Variants in SUCLA2 observed in about 807,000 individuals in gnomAD.
The protein encoded by SUCLA2 is succinate--CoA ligase [ADP-forming] subunit beta, mitochondrial.
SUCLA2 carries 30 observed loss-of-function variants against 54.8 expected under a neutral mutation model. The observed-to-expected ratio is 0.55, with a 90% CI of 0.41 to 0.74. The LOEUF (loss-of-function observed/expected upper bound fraction) is 0.74. Ranked by LOEUF, SUCLA2 falls within the 30% of genes least tolerant of loss-of-function variation. SUCLA2 has a pLI of 0.00. For synonymous variants in SUCLA2, 172 were observed against 188.9 expected (o/e 0.91, Z 0.74); for missense variants, 476 against 562.9 (o/e 0.85, Z 1.56).
intron 2 of SUCLA2, 65 bp from the exon 3 acceptor site, chr13:47,989,046 T>A: frequency 6.9e-7 from 1 of 1,446,878 alleles, no homozygotes; most frequent in Non-Finnish European, 9.7e-7. Context: ...AGTATTTTGT[T>A]ATTTAACATA....
chr13:47,984,537 C>G (rs1950085884), intron 4 of SUCLA2, among the ~76,000 whole-genome samples: 1 of 152,050 alleles, frequency 6.6e-6, no homozygotes, highest in Non-Finnish European at 1.5e-5. Flanking sequence ...TTCTTCTTCT[C>G]TTGTTGGTAT....
At chr13:47,971,299 C>A (rs1014321265) in intron 5 of SUCLA2, among the ~76,000 whole-genome samples, 1 of 151,092 alleles carries the variant, frequency 6.6e-6, no homozygotes, top group Non-Finnish European at 1.5e-5. Context: ...TGCCTGTAAT[C>A]CTAGCTACTT....
At chr13:47,964,226 T>C (rs1057439785) in intron 6 of SUCLA2, among the ~76,000 whole-genome samples, 3 of 152,102 alleles carry the variant, frequency 2.0e-5, no homozygotes, top group Admixed American at 2.0e-4. Context: ...TATTATATGA[T>C]TGCATTTATA....
At chr13:47,945,588 G>A (rs1309036668) in intron 10 of SUCLA2, 1 of 150,656 alleles carries the variant, frequency 6.6e-6, no homozygotes, top group Non-Finnish European at 1.5e-5. Flanking sequence ...ACACATTATT[G>A]TTAAGTAAAA....
intron 6 of SUCLA2, among the ~76,000 whole-genome samples, chr13:47,959,443 G>T (rs1949848705): frequency 7.3e-6 from 1 of 137,062 alleles, no homozygotes; most frequent in Admixed American, 7.5e-5. Flanking sequence ...GAAGGAGGAG[G>T]AGGGGGAGGA....
chr13:47,980,371 T>C (rs558116198), intron 4 of SUCLA2, among the ~76,000 whole-genome samples: 98 of 151,722 alleles, frequency 6.5e-4, no homozygotes, highest in Non-Finnish European at 1.3e-3. Flanking sequence ...GCTGAGATCA[T>C]ACCACTGCAC....
chr13:47,963,931 G>A (rs1035720488), intron 6 of SUCLA2, among the ~76,000 whole-genome samples: 1 of 152,164 alleles, frequency 6.6e-6, no homozygotes, highest in Non-Finnish European at 1.5e-5. Flanking sequence ...ATATCTTGTT[G>A]CACAAAATGT....
At chr13:48,001,072 G>A (rs1950227286) in intron 1 of SUCLA2, 108 bp downstream of exon 1, 1 of 1,527,754 alleles carries the variant, frequency 6.5e-7, no homozygotes, top group Admixed American at 2.0e-5. Flanking sequence ...AGGGCACCCA[G>A]AAAATGTCAC....
chr13:47,998,839 C>T (rs893178167), intron 1 of SUCLA2, among the ~76,000 whole-genome samples: 4 of 152,164 alleles, frequency 2.6e-5, no homozygotes, highest in African/African-American at 9.7e-5. Context: ...TGAATACATA[C>T]ATAAAAATTA....
rs747493359 is a variant in SUCLA2, at chr13:47,947,326, C to CA, written c.1317+1613dup. On this transcript the variant is annotated intron_variant, in intron 10 of 10. Coordinates refer to ENST00000646932, the MANE Select transcript of SUCLA2 (RefSeq NM_003850.3). Reference sequence around the variant, plus strand: ...CTGAAAACAAAAAGTAAACAAAATACAAAAAAAACAAAAAACAAAAAAAAC... The same window carrying CA: ...CTGAAAACAAAAAGTAAACAAAATACAAAAAAAAACAAAAAACAAAAAAAAC... 1.9e-3 allele frequency among the ~76,000 whole-genome samples: 292 copies of CA among 149,802 alleles called. 2 individuals carry two copies. Among genetic ancestry groups the CA allele is most frequent in the East Asian group, 1.2e-3 (6 of 5,098 alleles).
chr13:47,954,069 A>C (rs918024920), intron 8 of SUCLA2, 71 bp downstream of exon 8: 1 of 1,240,812 alleles, frequency 8.1e-7, no homozygotes, highest in African/African-American at 1.6e-5. Flanking sequence ...AAAACATAAA[A>C]ATATACATTT....
chr13:48,000,275 G>C (rs1444767105), intron 1 of SUCLA2, among the ~76,000 whole-genome samples: 1 of 152,038 alleles, frequency 6.6e-6, no homozygotes, highest in Non-Finnish European at 1.5e-5. Context: ...ACAGTTTTTT[G>C]TTGTCAAAGT....
At chr13:47,965,705 AT>A (rs1281427632) in intron 6 of SUCLA2, 1 of 397,962 alleles carries the variant, frequency 2.5e-6, no homozygotes, top group Non-Finnish European at 4.4e-6. Context: ...TGTATTATGA[AT>A]TAGATAATAT....
intron 2 of SUCLA2, among the ~76,000 whole-genome samples, chr13:47,992,340 A>G (rs1392201842): frequency 7.1e-6 from 1 of 141,354 alleles, no homozygotes; most frequent in Non-Finnish European, 1.5e-5. Context: ...GCAAAAGATG[A>G]TTCTTCGAAA....
At chr13:47,975,111 T>C (rs1944357370) in intron 4 of SUCLA2, among the ~76,000 whole-genome samples, 1 of 151,812 alleles carries the variant, frequency 6.6e-6, no homozygotes, top group Non-Finnish European at 1.5e-5. Flanking sequence ...AAAACAGGCA[T>C]GACAACTTTT....
At chr13:47,986,781 G>A (rs993248597) in intron 4 of SUCLA2, among the ~76,000 whole-genome samples, 6 of 152,016 alleles carry the variant, frequency 3.9e-5, no homozygotes, top group Non-Finnish European at 7.4e-5. Context: ...TGTTCTCCCA[G>A]CACCATTTAT....
intron 8 of SUCLA2, among the ~76,000 whole-genome samples, chr13:47,951,904 A>C (rs778490962): frequency 3.3e-5 from 5 of 151,930 alleles, no homozygotes; most frequent in Admixed American, 2.6e-4. Context: ...TTGATCTTCT[A>C]AACAAGCAAG....
intron 4 of SUCLA2, 115 bp from the exon 5 acceptor site, chr13:47,973,507 AT>A: frequency 8.3e-7 from 1 of 1,203,470 alleles, no homozygotes; most frequent in Non-Finnish European, 1.2e-6. Flanking sequence ...CTCTACCCAC[AT>A]TTTAAAATTT....
intron 6 of SUCLA2, among the ~76,000 whole-genome samples, chr13:47,957,608 G>C (rs963659755): frequency 5.3e-5 from 8 of 152,282 alleles, no homozygotes; most frequent in Non-Finnish European, 1.0e-4. Context: ...TAGACATAAG[G>C]ATTTGCTCCT....
Sources: allele counts gnomAD v4.1 joint callset (sites outside exome capture counted in the v4.1 genomes callset), GRCh38; gene constraint gnomAD v4.1.1; transcripts MANE v1.5; gene names NCBI Gene and HGNC (gene_info 2026-07-23, HGNC 2026-07-21).